The following HPSE2 variants were observed in gnomAD, a reference collection of about 807,000 sequenced individuals.
The protein encoded by HPSE2 is heparanase 2 (inactive), also known as inactive heparanase-2.
HPSE2 carries 38 observed loss-of-function variants against 60.5 expected under a neutral mutation model. The observed-to-expected ratio is 0.63, with a 90% CI of 0.48 to 0.82. The LOEUF (loss-of-function observed/expected upper bound fraction) is 0.82, where lower values mean the gene tolerates loss of function less well. Among genes scored for constraint, HPSE2 ranks in the 40% least tolerant of loss-of-function variants. The probability of loss-of-function intolerance (pLI) is 0.00; values close to 1 mark genes in which losing one functional copy is unlikely to be tolerated. For synonymous variants in HPSE2, 295 were observed against 293.2 expected (o/e 1.01, Z -0.06); for missense variants, 713 against 740.4 (o/e 0.96, Z 0.43).
chr10:99,252,394 GGAT>G, the HPSE2 span, among the ~76,000 whole-genome samples: 1 of 152,080 alleles, frequency 6.6e-6, no homozygotes, highest in Non-Finnish European at 1.5e-5. Flanking sequence ...CTCTCTTTAT[GGAT>G]GATATGATTC....
chr10:98,776,315 C>T (rs1296524617), intron 3 of HPSE2, among the ~76,000 whole-genome samples: 5 of 151,174 alleles, frequency 3.3e-5, no homozygotes, highest in Non-Finnish European at 7.4e-5. Flanking sequence ...GGTGTGGTGG[C>T]GCATGCCTGT....
intron 7 of HPSE2, among the ~76,000 whole-genome samples, chr10:98,639,739 C>A (rs1447795473): frequency 6.6e-6 from 1 of 152,170 alleles, no homozygotes; most frequent in East Asian, 1.9e-4. Context: ...AGGAAAGAAC[C>A]TAACTTCCAA....
chr10:98,926,585 T>C (rs2135089051), intron 3 of HPSE2, among the ~76,000 whole-genome samples: 1 of 152,314 alleles, frequency 6.6e-6, no homozygotes, highest in East Asian at 1.9e-4. Flanking sequence ...TACCTTTTTA[T>C]TGTCTTCCCT....
At chr10:99,224,956 A>G (rs1016122618) in intron 2 of HPSE2, among the ~76,000 whole-genome samples, 1 of 152,068 alleles carries the variant, frequency 6.6e-6, no homozygotes, top group Admixed American at 6.6e-5. Context: ...ACGTGGCCAC[A>G]ATGACTACAC....
intron 8 of HPSE2, among the ~76,000 whole-genome samples, chr10:98,615,365 C>A (rs148079078): frequency 2.0e-4 from 30 of 152,272 alleles, no homozygotes; most frequent in Admixed American, 3.3e-4. Flanking sequence ...TCCCTCCTGG[C>A]CAGAGGACAT....
intron 9 of HPSE2, among the ~76,000 whole-genome samples, chr10:98,590,422 G>A (rs565204301): frequency 6.6e-6 from 1 of 152,234 alleles, no homozygotes; most frequent in African/African-American, 2.4e-5. Context: ...CAGCCTGGGT[G>A]GGAATCTCTG....
chr10:98,819,861 TG>T (rs1026996683), intron 3 of HPSE2, among the ~76,000 whole-genome samples: 13 of 152,080 alleles, frequency 8.5e-5, no homozygotes, highest in Non-Finnish European at 1.9e-4. Flanking sequence ...TACTAGCCCC[TG>T]TAGTACTCCT....
In HPSE2 at chr10:98,926,170, A is replaced by T. The variant is rs72836763; in HGVS notation, c.611-182114T>A. On this transcript the variant is annotated intron_variant, in intron 3 of 11. Transcript: ENST00000370552. ...AAAAGGGCATGCTTTTTGTATGGCC[A>T]TAGTAACTTATTGAATGAATTTATA... Among the ~76,000 whole-genome samples, 223 of 152,304 alleles carry T rather than the reference A, an allele frequency of 1.5e-3. 1 individual carries two copies. The highest frequency in any genetic ancestry group is 3.3e-3 in the Admixed American group (50 of 15,296).
intron 3 of HPSE2, among the ~76,000 whole-genome samples, chr10:98,952,842 T>A (rs143815649): frequency 6.6e-6 from 1 of 152,276 alleles, no homozygotes; most frequent in African/African-American, 2.4e-5. Flanking sequence ...CCAATCCTAT[T>A]GGAATAGGAC....
chr10:99,206,019 C>T (rs1456077311), intron 2 of HPSE2, among the ~76,000 whole-genome samples: 5 of 152,122 alleles, frequency 3.3e-5, no homozygotes, highest in Admixed American at 3.3e-4. Flanking sequence ...TGGAAGTGCT[C>T]CCAAGAAGCC....
chr10:99,141,069 T>A (rs1845850146), intron 3 of HPSE2, among the ~76,000 whole-genome samples: 1 of 152,208 alleles, frequency 6.6e-6, no homozygotes, highest in Non-Finnish European at 1.5e-5. Flanking sequence ...GAATTCATTC[T>A]TTATGTACAC....
chr10:98,559,324 G>T (rs191440552), intron 9 of HPSE2, among the ~76,000 whole-genome samples: 1 of 152,224 alleles, frequency 6.6e-6, no homozygotes, highest in Non-Finnish European at 1.5e-5. Context: ...CGCTGCACCC[G>T]GTCTTGTCTA....
At chr10:99,013,233 G>A in intron 3 of HPSE2, 1 of 656,952 alleles carries the variant, frequency 1.5e-6, no homozygotes, top group South Asian at 1.4e-5. Flanking sequence ...GGAGATTTCT[G>A]CTACAGTTAT....
chr10:99,039,863 C>T (rs759435034), intron 3 of HPSE2, among the ~76,000 whole-genome samples: 40 of 152,148 alleles, frequency 2.6e-4, no homozygotes, highest in Non-Finnish European at 5.1e-4. Flanking sequence ...ATCCAACTGT[C>T]TCACTTCTGA....
intron 3 of HPSE2, among the ~76,000 whole-genome samples, chr10:99,007,215 T>C (rs893951806): frequency 6.6e-6 from 1 of 151,554 alleles, no homozygotes; most frequent in Non-Finnish European, 1.5e-5. Flanking sequence ...GACACCAAGA[T>C]GAGCCTAGAC....
intron 9 of HPSE2, among the ~76,000 whole-genome samples, chr10:98,603,155 C>T (rs1284653274): frequency 6.6e-6 from 1 of 152,116 alleles, no homozygotes; most frequent in Non-Finnish European, 1.5e-5. Context: ...CAAACCACTG[C>T]CCCCAAAATT....
intron 9 of HPSE2, among the ~76,000 whole-genome samples, chr10:98,526,298 A>G (rs1311422924): frequency 6.6e-6 from 1 of 152,240 alleles, no homozygotes; most frequent in African/African-American, 2.4e-5. Flanking sequence ...AGGTATAAGG[A>G]AAATTAAAAC....
chr10:98,895,233 A>AT (rs1478932349), intron 3 of HPSE2, among the ~76,000 whole-genome samples: 1 of 152,148 alleles, frequency 6.6e-6, no homozygotes, highest in Non-Finnish European at 1.5e-5. Context: ...CATACATATG[A>AT]TTTTTTCAGG....
At chr10:98,803,621 C>T (rs1436346035) in intron 3 of HPSE2, among the ~76,000 whole-genome samples, 1 of 151,688 alleles carries the variant, frequency 6.6e-6, no homozygotes, top group East Asian at 1.9e-4. Context: ...TGTCAAAGAT[C>T]AGATAGTTGT....
Sources: allele counts gnomAD v4.1 joint callset (sites outside exome capture counted in the v4.1 genomes callset), GRCh38; gene constraint gnomAD v4.1.1; transcripts MANE v1.5; gene names NCBI Gene and HGNC (gene_info 2026-07-23, HGNC 2026-07-21).